C3orf20: variants seen among roughly 807,000 people sequenced by gnomAD.
C3orf20 encodes the protein family with sequence similarity 149 member C, also known as uncharacterized protein C3orf20.
In C3orf20, 76 loss-of-function variants were observed where a neutral mutation model predicts 88.3. The observed-to-expected ratio is 0.86, with a 90% CI of 0.72 to 1.04. C3orf20 has a LOEUF of 1.04. Ranked by LOEUF, C3orf20 falls within the 50% of genes least tolerant of loss-of-function variation. C3orf20 has a pLI of 0.00. For synonymous variants in C3orf20, 436 were observed against 437.4 expected, an observed-to-expected ratio of 1.00 and a Z score of 0.04; for missense variants, 1,056 against 1,123.3, an observed-to-expected ratio of 0.94 and a Z score of 0.86.
intron 5 of C3orf20, among the ~76,000 whole-genome samples, chr3:14,692,577 A>G (rs916628650): frequency 2.6e-5 from 4 of 152,106 alleles, no homozygotes; most frequent in African/African-American, 9.7e-5. Context: ...AGATCACTCA[A>G]TCAGATTATT....
At chr3:14,704,267 G>A (rs111277329) in intron 6 of C3orf20, 70 bp from the exon 7 acceptor site, 12 of 1,518,304 alleles carry the variant, frequency 7.9e-6, no homozygotes, top group Non-Finnish European at 9.0e-6. Flanking sequence ...ACTAAGGAGG[G>A]GCTGTAGAGA....
At chr3:14,739,640 A>C (rs55640025) in intron 12 of C3orf20, among the ~76,000 whole-genome samples, 9,549 of 152,278 alleles carry the variant, frequency 0.063, 561 homozygotes, top group African/African-American at 0.15. Flanking sequence ...CTCTCTAGCT[A>C]TGTAAGTCCT....
At chr3:14,691,749 TG>T (rs1322834561) in intron 5 of C3orf20, among the ~76,000 whole-genome samples, 3 of 152,242 alleles carry the variant, frequency 2.0e-5, no homozygotes, top group Non-Finnish European at 4.4e-5. Flanking sequence ...ATTTATCCTT[TG>T]TGTTACAAAC....
At position 14,772,769 on chromosome 3, in the gene C3orf20, G is replaced by C. The variant is rs200654550; in HGVS notation, c.2631-22G>C. ...GTGAAGAACAGCCCTTCCGCCTCCC[G>C]GCCCTCTATTTTGATCTTTAGGACA... On this transcript the variant is annotated intron_variant, in intron 16 of 16. Coordinates refer to ENST00000253697, the MANE Select transcript of C3orf20 (RefSeq NM_032137.5). The surrounding 1 kb of genome is among the most constrained non-coding windows in gnomAD (Gnocchi z 4.2). 6.2e-7 allele frequency: 1 copy of C among 1,603,848 alleles called. No homozygotes were observed. Among genetic ancestry groups the C allele is most frequent in the South Asian group, 1.1e-5 (1 of 90,776 alleles).
intron 15 of C3orf20, among the ~76,000 whole-genome samples, chr3:14,764,507 A>ATTATTATTATTG (rs1286567408): frequency 4.9e-4 from 65 of 132,836 alleles, no homozygotes; most frequent in Middle Eastern, 3.7e-3. Context: ...TATTATTATT[A>ATTATTATTATTG]TTGTTGTTGT....
At chr3:14,690,331 G>A (rs957953188) in intron 5 of C3orf20, among the ~76,000 whole-genome samples, 6 of 152,198 alleles carry the variant, frequency 3.9e-5, no homozygotes, top group Admixed American at 6.5e-5. Context: ...GCATAGCACA[G>A]GCTCATCATT....
intron 15 of C3orf20, among the ~76,000 whole-genome samples, chr3:14,771,159 G>A (rs11716175): frequency 0.32 from 48,089 of 152,078 alleles, 9,213 homozygotes; most frequent in Non-Finnish European, 0.44. Flanking sequence ...AAGGACCCTC[G>A]CCCCTTTCCC....
intron 5 of C3orf20, among the ~76,000 whole-genome samples, chr3:14,693,091 T>A (rs553564693): frequency 1.3e-5 from 2 of 152,362 alleles, no homozygotes; most frequent in African/African-American, 2.4e-5. Context: ...ATATCTGTTT[T>A]TATGCCAGTA....
Position 14,728,702 on chromosome 3 carries a change from T to C in C3orf20, c.1940+14T>C. On this transcript the variant is annotated intron_variant, in intron 12 of 16. Coordinates refer to ENST00000253697, the MANE Select transcript of C3orf20 (RefSeq NM_032137.5). ...GGTCACATCCAGGTTGGCTTGGTCC[T>C]TCACGTCTTCCGCAGCATCGGGTGT... is the stretch of plus-strand genomic sequence containing the variant. 1.2e-6 allele frequency: 2 copies of C among 1,611,432 alleles called. No homozygotes were observed. The highest frequency in any genetic ancestry group is 1.7e-6 in the Non-Finnish European group (2 of 1,179,242).
chr3:14,676,591 C>A (rs2031783729), intron 1 of C3orf20, among the ~76,000 whole-genome samples: 1 of 152,102 alleles, frequency 6.6e-6, no homozygotes, highest in Non-Finnish European at 1.5e-5. Context: ...TAACAAACAT[C>A]GATCTTTATA....
chr3:14,770,975 G>T (rs917325636), intron 15 of C3orf20, among the ~76,000 whole-genome samples: 1 of 152,264 alleles, frequency 6.6e-6, no homozygotes, highest in African/African-American at 2.4e-5. Flanking sequence ...AGCCACGTTT[G>T]TGTTGGCTGG....
At chr3:14,690,689 G>A (rs1237345400) in intron 5 of C3orf20, among the ~76,000 whole-genome samples, 2 of 152,238 alleles carry the variant, frequency 1.3e-5, no homozygotes, top group African/African-American at 2.4e-5. Flanking sequence ...ACCTGCTCAG[G>A]AAGAAGCTCA....
chr3:14,692,473 A>G (rs555918819), intron 5 of C3orf20, among the ~76,000 whole-genome samples: 10 of 152,212 alleles, frequency 6.6e-5, no homozygotes, highest in African/African-American at 2.4e-4. Context: ...TTGTAGTTTT[A>G]ATTTGCATTT....
rs376168870 is a variant in C3orf20 at position 14,683,096 on chromosome 3, G to A, written c.383G>A (p.Arg128His). Residue 128 changes from arginine (R) to histidine (H), a missense_variant, in exon 3 of 17, where the codon CGC (arginine) becomes CAC (histidine). Coordinates refer to ENST00000253697, the MANE Select transcript of C3orf20 (RefSeq NM_032137.5). ...TCTCCCACCATGGCCCGTCAGGTGC[G>A]CACCCACCAGGAGACCCTGAACAGG... ...TLSPTMARQV[R>H]THQETLNRFQ... The A allele has an allele frequency of 2.0e-5, 32 of 1,613,616 alleles. No individual in the cohort carries two copies. The highest frequency in any genetic ancestry group is 1.3e-4 in the Admixed American group (8 of 59,920).
In C3orf20 at chr3:14,700,442, T is replaced by A. The variant is rs117744387; in HGVS notation, c.746-2688T>A. ...CTTACCAATTAAACTTTATCATAGG[T>A]GTGCATGTAAAAAACTTAGCATATA... On this transcript the variant is annotated intron_variant, in intron 5 of 16. Transcript: ENST00000253697. 3.9e-5 allele frequency among the ~76,000 whole-genome samples: 6 copies of A among 152,310 alleles called. No individual in the cohort carries two copies. The East Asian group carries it at 1.2e-3, about 29-fold the overall frequency.
In C3orf20 at chr3:14,761,500, G is replaced by A; in HGVS notation, c.2380G>A (p.Gly794Arg). The change falls in exon 15 of 17, where the codon GGG becomes AGG. Residue 794 changes from glycine to arginine, a missense_variant. Transcript: ENST00000253697. ...LMFAGGKLIFGGRVLNGYGLS... is the reference protein window; with the variant it reads ...LMFAGGKLIFRGRVLNGYGLS... ...GTTTGCCGGGGGGAAGCTCATTTTTGGGGGCCGTGTTTTGAATGGATATGG... is the reference window on the plus strand; with the variant it reads ...GTTTGCCGGGGGGAAGCTCATTTTTAGGGGCCGTGTTTTGAATGGATATGG... The A allele has an allele frequency of 6.2e-7, 1 of 1,613,982 alleles. No homozygotes were observed. The highest frequency in any genetic ancestry group is 8.5e-7 in the Non-Finnish European group (1 of 1,180,004).
chr3:14,705,656 C>T (rs1199612581), intron 7 of C3orf20, among the ~76,000 whole-genome samples: 2 of 152,202 alleles, frequency 1.3e-5, no homozygotes, highest in Non-Finnish European at 2.9e-5. Context: ...CCAACATATT[C>T]TAGAGCTGGA....
rs1170308132 is a variant in C3orf20, at chr3:14,704,435, G to A, written c.977G>A (p.Arg326His). 8.1e-6 allele frequency: 13 copies of A among 1,614,054 alleles called. No homozygotes were observed. Among genetic ancestry groups the A allele is most frequent in the Admixed American group, 3.3e-5 (2 of 60,012 alleles). ...ATGCCCTCTCATCTAATGTTGGCCC[G>A]CAAAGGAGACTCTCAGACCCCGGGT... is the stretch of plus-strand genomic sequence containing the variant. ...AKMPSHLMLA[R>H]KGDSQTPGLH... The change falls in exon 7 of 17, where the codon CGC becomes CAC. Residue 326 changes from arginine to histidine, a missense_variant. Arg to His is a conservative substitution (Grantham distance 29). Transcript: ENST00000253697.
At chr3:14,761,132 G>A (rs2467477) in intron 14 of C3orf20, among the ~76,000 whole-genome samples, 41,154 of 151,566 alleles carry the variant, frequency 0.27, 6,323 homozygotes, top group Middle Eastern at 0.39. Flanking sequence ...TGTATGTGAA[G>A]TGCATTTGAG....
Sources: gnomAD v4.1 joint callset for allele counts (sites outside exome capture counted in the v4.1 genomes callset) on GRCh38, gnomAD v4.1.1 for gene constraint, Gnocchi (gnomAD v3.1) non-coding constraint, MANE v1.5 for transcripts, NCBI Gene and HGNC (gene_info 2026-07-23, HGNC 2026-07-21) for gene names.